IL1RAPL2: variants seen among roughly 807,000 people sequenced by gnomAD.
The protein encoded by IL1RAPL2 is interleukin 1 receptor accessory protein like 2.
In IL1RAPL2, 3 loss-of-function variants were observed where a neutral mutation model predicts 44.1. The ratio of observed to expected loss-of-function variants is 0.07; its 90% CI spans 0.03 to 0.18. The LOEUF (loss-of-function observed/expected upper bound fraction) is 0.18, where lower values mean the gene tolerates loss of function less well. Among genes scored for constraint, IL1RAPL2 ranks in the 10% least tolerant of loss-of-function variants. The pLI is 1.00. For synonymous variants in IL1RAPL2, 181 were observed against 178.8 expected (o/e 1.01, Z -0.10); for missense variants, 391 against 496.4 (o/e 0.79, Z 2.02).
chrX:105,505,843 C>G (rs961002405), intron 6 of IL1RAPL2, among the ~76,000 whole-genome samples: 36 of 111,879 alleles, frequency 3.2e-4, no homozygotes, highest in African/African-American at 9.7e-4. Context: ...TACCTTTTCA[C>G]CCAACCAATT....
Position 104,759,835 on chromosome X carries a change from T to C in IL1RAPL2, c.82+100840T>C, listed in dbSNP as rs755264584. Among the ~76,000 whole-genome samples, 8 of 111,732 alleles carry C rather than the reference T, an allele frequency of 7.2e-5. No homozygotes were observed. In the East Asian group the frequency reaches 2.3e-3, roughly 32 times the overall value. ...TTCAGTTACACTCTTTATTTTAAAA[T>C]GTACAGTTATTGTTATTGACTATAG... is the stretch of plus-strand genomic sequence containing the variant. On this transcript the variant is annotated intron_variant, in intron 2 of 10. Coordinates refer to ENST00000372582, the MANE Select transcript of IL1RAPL2 (RefSeq NM_017416.2).
chrX:105,267,048 A>G (rs1274826911), intron 4 of IL1RAPL2, among the ~76,000 whole-genome samples: 1 of 111,778 alleles, frequency 8.9e-6, no homozygotes, highest in Non-Finnish European at 1.9e-5. Flanking sequence ...GAACCAGGAC[A>G]TTATAATAAT....
intron 5 of IL1RAPL2, among the ~76,000 whole-genome samples, chrX:105,387,874 C>T (rs928626982): frequency 1.8e-5 from 2 of 108,620 alleles, no homozygotes; most frequent in African/African-American, 3.3e-5. Context: ...TTGGGCCGGG[C>T]GCAGTGGCTC....
chrX:104,646,799 A>G (rs1290382227), intron 1 of IL1RAPL2, among the ~76,000 whole-genome samples: 4 of 111,426 alleles, frequency 3.6e-5, no homozygotes, highest in Non-Finnish European at 7.5e-5. Flanking sequence ...ACTGTGAGCA[A>G]TGACTTCTGG....
At chrX:104,715,165 A>G (rs930710404) in intron 2 of IL1RAPL2, among the ~76,000 whole-genome samples, 7 of 109,621 alleles carry the variant, frequency 6.4e-5, no homozygotes, top group African/African-American at 2.3e-4. Context: ...GGAGCTCATT[A>G]TTGGTCTGTT....
At chrX:105,745,953 G>T (rs185475938) in intron 8 of IL1RAPL2, among the ~76,000 whole-genome samples, 1 of 112,108 alleles carries the variant, frequency 8.9e-6, no homozygotes, top group Admixed American at 9.4e-5. Context: ...CAAGTGTTGG[G>T]ATTACAGGCT....
At chrX:105,311,304 T>C (rs1228484114) in intron 5 of IL1RAPL2, among the ~76,000 whole-genome samples, 1 of 110,639 alleles carries the variant, frequency 9.0e-6, no homozygotes, top group East Asian at 2.8e-4. Flanking sequence ...ATGATATGCT[T>C]AAGTTTATGC....
intron 6 of IL1RAPL2, among the ~76,000 whole-genome samples, chrX:105,596,122 C>T (rs1460901685): frequency 9.0e-6 from 1 of 110,535 alleles, no homozygotes; most frequent in African/African-American, 3.3e-5. Context: ...TTGTATTTTT[C>T]GTTGGTTTAT....
chrX:104,860,984 A>G (rs1014818429), intron 2 of IL1RAPL2, among the ~76,000 whole-genome samples: 1 of 110,813 alleles, frequency 9.0e-6, no homozygotes, highest in Non-Finnish European at 1.9e-5. Context: ...CTTGGTGCAT[A>G]TGATCTGGCA....
chrX:104,699,491 G>T (rs1016686487), intron 2 of IL1RAPL2, among the ~76,000 whole-genome samples: 2 of 111,747 alleles, frequency 1.8e-5, no homozygotes, highest in African/African-American at 6.5e-5. Flanking sequence ...GCGGAGTTCA[G>T]GCAGTAATAC....
intron 1 of IL1RAPL2, among the ~76,000 whole-genome samples, chrX:104,622,588 C>T (rs990564534): frequency 4.5e-5 from 5 of 110,684 alleles, no homozygotes; most frequent in Non-Finnish European, 9.4e-5. Flanking sequence ...TGGGTTGCAT[C>T]TGAGCTTTTC....
intron 2 of IL1RAPL2, among the ~76,000 whole-genome samples, chrX:104,844,597 G>A (rs1426714580): frequency 1.4e-5 from 1 of 73,697 alleles, no homozygotes; most frequent in East Asian, 4.1e-4. Flanking sequence ...AATAGATCAT[G>A]AGCTAAAACA....
intron 2 of IL1RAPL2, among the ~76,000 whole-genome samples, chrX:105,049,659 T>C (rs993888171): frequency 1.8e-5 from 2 of 111,915 alleles, no homozygotes; most frequent in African/African-American, 6.5e-5. Context: ...CATAACCCAA[T>C]TAGGTTGGTA....
chrX:105,726,340 T>C (rs2038351849), intron 7 of IL1RAPL2, among the ~76,000 whole-genome samples: 1 of 111,612 alleles, frequency 9.0e-6, no homozygotes, highest in Admixed American at 9.5e-5. Flanking sequence ...CCTTTAGTGA[T>C]TGAGGGTTCC....
intron 5 of IL1RAPL2, among the ~76,000 whole-genome samples, chrX:105,339,873 G>A (rs1298602759): frequency 2.7e-5 from 3 of 111,572 alleles, no homozygotes; most frequent in African/African-American, 9.8e-5. Context: ...GTCCACTCTG[G>A]GCACAGGAAA....
intron 5 of IL1RAPL2, among the ~76,000 whole-genome samples, chrX:105,380,062 A>G (rs764443207): frequency 8.9e-6 from 1 of 112,081 alleles, no homozygotes; most frequent in African/African-American, 3.2e-5. Flanking sequence ...CTCGTGATAA[A>G]TTACACAACC....
intron 2 of IL1RAPL2, among the ~76,000 whole-genome samples, chrX:105,033,991 T>C (rs2031569527): frequency 8.9e-6 from 1 of 112,006 alleles, no homozygotes; most frequent in African/African-American, 3.2e-5. Context: ...CCATCACAGA[T>C]ACCCTTTCTT....
chrX:104,784,213 T>G (rs1228103274), intron 2 of IL1RAPL2, among the ~76,000 whole-genome samples: 2 of 112,285 alleles, frequency 1.8e-5, no homozygotes, highest in Non-Finnish European at 3.8e-5. Flanking sequence ...TCAAAGGAAG[T>G]GTTTTCAATT....
At chrX:105,428,466 A>AT (rs1459964824) in intron 5 of IL1RAPL2, among the ~76,000 whole-genome samples, 1 of 111,370 alleles carries the variant, frequency 9.0e-6, no homozygotes, top group East Asian at 2.8e-4. Flanking sequence ...TCTGTCTGAG[A>AT]TTCCCCCTAA....
Sources: gnomAD v4.1 joint callset for allele counts (sites outside exome capture counted in the v4.1 genomes callset) on GRCh38, gnomAD v4.1.1 for gene constraint, MANE v1.5 for transcripts, NCBI Gene and HGNC (gene_info 2026-07-23, HGNC 2026-07-21) for gene names.